NBPF10: variants seen among roughly 807,000 people sequenced by gnomAD.
NBPF10 encodes NBPF member 10, also known as NBPF family member NBPF10.
NBPF10 carries 63 observed loss-of-function variants against 77.9 expected under a neutral mutation model. That is an observed-to-expected ratio of 0.81 (90% CI 0.66 to 1.00). The LOEUF (loss-of-function observed/expected upper bound fraction) is 1.00. Ranked by LOEUF, NBPF10 falls within the 50% of genes least tolerant of loss-of-function variation. NBPF10 has a pLI of 0.00. For synonymous variants in NBPF10, 146 were observed against 264.5 expected, an observed-to-expected ratio of 0.55 and a Z score of 4.35; for missense variants, 522 against 679.8, an observed-to-expected ratio of 0.77 and a Z score of 2.58.
chr1:146,067,797 G>C (rs1342630029), intron 88 of NBPF10, among the ~76,000 whole-genome samples: 2 of 151,850 alleles, frequency 1.3e-5, no homozygotes, highest in Non-Finnish European at 2.9e-5. Flanking sequence ...TATGGCCTGA[G>C]ACTAGGAAGA....
intron 5 of NBPF10, among the ~76,000 whole-genome samples, chr1:146,138,783 T>A (rs1659969629): frequency 7.4e-6 from 1 of 135,902 alleles, no homozygotes; most frequent in Non-Finnish European, 1.7e-5. Context: ...TTTTCTTTTT[T>A]GGTTTTTTGT....
At chr1:146,126,464 C>T (rs1306701583) in intron 13 of NBPF10, 56 bp from the exon 14 acceptor site, 20 of 778,410 alleles carry the variant, frequency 2.6e-5, no homozygotes, top group African/African-American at 3.4e-5. Flanking sequence ...AACCACACAG[C>T]CCCAGCTAGA....
intron 89 of NBPF10, among the ~76,000 whole-genome samples, chr1:146,066,772 A>G (rs1655111870): frequency 6.6e-6 from 1 of 151,458 alleles, no homozygotes; most frequent in Non-Finnish European, 1.5e-5. Flanking sequence ...AGAGAGAGAC[A>G]GAGACAGAGA....
chr1:146,126,104 A>G (rs1426954125), intron 14 of NBPF10, 132 bp downstream of exon 14: 1 of 687,580 alleles, frequency 1.5e-6, no homozygotes, highest in Non-Finnish European at 2.7e-6. Context: ...GTTTCATTCA[A>G]CCTACATGTG....
intron 8 of NBPF10, 38 bp from the exon 9 acceptor site, chr1:146,134,303 T>C (rs782483249): frequency 1.0e-5 from 16 of 1,596,322 alleles, no homozygotes; most frequent in Non-Finnish European, 1.4e-5. Context: ...TATTTCCCAC[T>C]TCACAGTCTG....
intron 17 of NBPF10, among the ~76,000 whole-genome samples, chr1:146,123,521 C>G (rs879087294): frequency 9.3e-6 from 1 of 107,880 alleles, no homozygotes; most frequent in Non-Finnish European, 1.8e-5. Flanking sequence ...CACACACACA[C>G]ACACAGAGAG....
rs782632035 is a variant in NBPF10 at position 146,141,849 on chromosome 1, G to T, written c.279-31C>A. The T allele has an allele frequency of 1.4e-5, 18 of 1,253,756 alleles. 3 individuals carry two copies. Among genetic ancestry groups the T allele is most frequent in the Non-Finnish European group, 2.0e-5 (18 of 880,788 alleles). 77.7% of individuals were successfully genotyped at this position (1,253,756 alleles called of 1,614,324 possible). On this transcript the variant is annotated intron_variant, in intron 2 of 89. Transcript: ENST00000583866. The stretch of plus-strand genomic sequence containing the variant: ...GTGAGACGGTAGAGAAAATTTAAGA[G>T]TAGAAAGGGTTGAGTGATCCGTTCA...
chr1:146,137,617 C>T (rs1190146452), intron 6 of NBPF10, among the ~76,000 whole-genome samples: 3 of 130,492 alleles, frequency 2.3e-5, no homozygotes, highest in Admixed American at 1.6e-4. Context: ...TCTCAAACTC[C>T]TGACCTCATG....
chr1:146,126,175 G>T, intron 14 of NBPF10, 61 bp downstream of exon 14: 2 of 909,022 alleles, frequency 2.2e-6, no homozygotes, highest in Admixed American at 3.5e-5. Context: ...CTTGCAGTAG[G>T]AATATGACCC....
intron 13 of NBPF10, among the ~76,000 whole-genome samples, 188 bp from the exon 14 acceptor site, chr1:146,126,596 GA>G (rs1658705483): frequency 8.8e-6 from 1 of 113,608 alleles, no homozygotes; most frequent in Non-Finnish European, 2.0e-5. Flanking sequence ...GAACGAGAAA[GA>G]CACACACACA....
At chr1:146,080,962 G>A (rs1349521655) in intron 71 of NBPF10, among the ~76,000 whole-genome samples, 185 bp from the exon 72 acceptor site, 2 of 68,712 alleles carry the variant, frequency 2.9e-5, no homozygotes, top group Non-Finnish European at 8.1e-5. Context: ...GAATGAAAGA[G>A]AAAGACAGAT....
intron 19 of NBPF10, among the ~76,000 whole-genome samples, chr1:146,122,016 T>A (rs1658237526): frequency 1.1e-5 from 1 of 92,186 alleles, no homozygotes; most frequent in African/African-American, 4.2e-5. Context: ...AGCTCAATAG[T>A]TTTCCATAAA....
intron 10 of NBPF10, among the ~76,000 whole-genome samples, chr1:146,133,011 G>A (rs587661734): frequency 7.9e-3 from 120 of 15,282 alleles, no homozygotes; most frequent in African/African-American, 0.018. Flanking sequence ...CTTGCTTTAT[G>A]GAAATATATC....
chr1:146,139,358 C>T (rs1660057424), intron 5 of NBPF10, among the ~76,000 whole-genome samples: 1 of 152,056 alleles, frequency 6.6e-6, no homozygotes, highest in Admixed American at 6.6e-5. Context: ...ATCCACCCGC[C>T]TCGGCCTCCC....
exon 14 of NBPF10, chr1:146,126,349 C>G (rs782008778): frequency 9.6e-6 from 13 of 1,359,180 alleles, no homozygotes; most frequent in East Asian, 6.8e-5. Context: ...TGAATAACAT[C>G]TATCCTGTGA....
chr1:146,069,506 C>G (rs1251789844), intron 86 of NBPF10, 37 bp downstream of exon 86: 2 of 816,416 alleles, frequency 2.4e-6, no homozygotes, highest in East Asian at 5.3e-5. Flanking sequence ...CCAGAAGACT[C>G]AGTGGATCCT....
intron 71 of NBPF10, among the ~76,000 whole-genome samples, chr1:146,081,027 A>G (rs587650768): frequency 1.3e-5 from 1 of 77,870 alleles, no homozygotes; most frequent in African/African-American, 3.3e-5. Context: ...ACACACACAC[A>G]CACAGAGAGA....
At chr1:146,135,804 TC>T (rs1659649665) in intron 7 of NBPF10, among the ~76,000 whole-genome samples, 1 of 143,396 alleles carries the variant, frequency 7.0e-6, no homozygotes, top group African/African-American at 2.6e-5. Flanking sequence ...CAAAAAGACA[TC>T]CTTTCAGTTC....
intron 89 of NBPF10, among the ~76,000 whole-genome samples, chr1:146,066,901 T>G (rs1385283496): frequency 6.8e-6 from 1 of 146,492 alleles, no homozygotes; most frequent in Non-Finnish European, 1.5e-5. Context: ...ATGAAAAGAG[T>G]GAGCTCAATA....
Sources: gnomAD v4.1 joint callset for allele counts (sites outside exome capture counted in the v4.1 genomes callset) on GRCh38, gnomAD v4.1.1 for gene constraint, MANE v1.5 for transcripts, NCBI Gene and HGNC (gene_info 2026-07-23, HGNC 2026-07-21) for gene names.